The following DSE variants were observed in gnomAD, a reference collection of about 807,000 sequenced individuals.
The protein encoded by DSE is dermatan sulfate epimerase.
In DSE, 36 loss-of-function variants were observed where a neutral mutation model predicts 84.4. That is an observed-to-expected ratio of 0.43 (90% CI 0.33 to 0.56). The LOEUF (loss-of-function observed/expected upper bound fraction) is 0.56, where lower values mean the gene tolerates loss of function less well. Ranked by LOEUF, DSE falls within the 20% of genes least tolerant of loss-of-function variation. The pLI is 0.06. For missense variants in DSE, 862 were observed against 1,169.6 expected (o/e 0.74, Z 3.84); for synonymous variants, 410 against 430.1 (o/e 0.95, Z 0.58).
chr6:116,385,440 A>C (rs1780521761), intron 1 of DSE, among the ~76,000 whole-genome samples: 1 of 152,074 alleles, frequency 6.6e-6, no homozygotes, highest in Non-Finnish European at 1.5e-5. Flanking sequence ...GTGGTGGTAA[A>C]AGTGGCTGGA....
chr6:116,425,620 TTTTA>T (rs1562303902), intron 2 of DSE, among the ~76,000 whole-genome samples: 1 of 76,794 alleles, frequency 1.3e-5, no homozygotes, highest in Non-Finnish European at 3.1e-5. Context: ...TTTATTTTTA[TTTTA>T]TTTTATTTTT....
At chr6:116,318,067 A>G (rs1023652725) in intron 2 of DSE, among the ~76,000 whole-genome samples, 1 of 152,232 alleles carries the variant, frequency 6.6e-6, no homozygotes, top group African/African-American at 2.4e-5. Context: ...GTGTTTTTCT[A>G]TGATCGAACA....
At chr6:116,328,148 G>A (rs548556692) in intron 2 of DSE, among the ~76,000 whole-genome samples, 1 of 152,304 alleles carries the variant, frequency 6.6e-6, no homozygotes, top group South Asian at 2.1e-4. Context: ...TAAGAAAGAC[G>A]TAGTTTAGTT....
rs1775662883 is a variant in DSE, at chr6:116,311,007, C to G, written c.-54+52040C>G. ...ACCATTCTGCCTTCTTGCTGCGCTTCCAGTGTGCCATGCTCCTCCTCATCT... is the reference window on the plus strand; with the variant it reads ...ACCATTCTGCCTTCTTGCTGCGCTTGCAGTGTGCCATGCTCCTCCTCATCT... On this transcript the variant is annotated intron_variant, in intron 2 of 3. Coordinates refer to the DSE transcript ENST00000430252. Among the ~76,000 whole-genome samples the G allele has an allele frequency of 8.5e-5, 13 of 152,190 alleles. 1 individual carries two copies.
At chr6:116,357,070 TGAG>T (rs1778615802) in intron 2 of DSE, among the ~76,000 whole-genome samples, 1 of 152,170 alleles carries the variant, frequency 6.6e-6, no homozygotes, top group African/African-American at 2.4e-5. Context: ...TCTACTTATT[TGAG>T]TAGTGTGACA....
intron 1 of DSE, among the ~76,000 whole-genome samples, chr6:116,383,426 T>A (rs1005423327): frequency 6.6e-6 from 1 of 152,048 alleles, no homozygotes; most frequent in African/African-American, 2.4e-5. Context: ...TATGCCTAGA[T>A]TAGGAGATGC....
At chr6:116,374,391 T>G (rs1316027399) in intron 1 of DSE, among the ~76,000 whole-genome samples, 1 of 152,162 alleles carries the variant, frequency 6.6e-6, no homozygotes, top group East Asian at 1.9e-4. Context: ...GGGAACTTCA[T>G]TATAGTGGAT....
At chr6:116,339,832 ATT>A (rs1777486545) in intron 2 of DSE, among the ~76,000 whole-genome samples, 1 of 152,260 alleles carries the variant, frequency 6.6e-6, no homozygotes, top group South Asian at 2.1e-4. Flanking sequence ...TCCATTCTGC[ATT>A]TAGGATGTTA....
chr6:116,323,417 G>C (rs1776442333), intron 2 of DSE, among the ~76,000 whole-genome samples: 1 of 152,096 alleles, frequency 6.6e-6, no homozygotes, highest in South Asian at 2.1e-4. Flanking sequence ...ATTCACATTT[G>C]ACTTGCCAGA....
chr6:116,366,598 T>C (rs978495891), upstream of DSE: 2 of 152,220 alleles, frequency 1.3e-5, no homozygotes, highest in South Asian at 2.1e-4. Context: ...AGAGGTGATA[T>C]AAAATCATCC....
chr6:116,303,667 G>A (rs1025235865), intron 2 of DSE, among the ~76,000 whole-genome samples: 2 of 150,460 alleles, frequency 1.3e-5, no homozygotes, highest in Admixed American at 6.6e-5. Context: ...GGGAGGGCTG[G>A]TTGGGGAAGG....
In DSE at chr6:116,312,017, T is replaced by C. The variant is rs149097681; in HGVS notation, c.-54+53050T>C. ...TATCTGGTTTTCCAATTAGGTTCTT[T>C]TGTATAAGAGAGTAGAAGTACCACC... On this transcript the variant is annotated intron_variant, in intron 2 of 3. Coordinates refer to the DSE transcript ENST00000430252. 5.7e-3 allele frequency among the ~76,000 whole-genome samples: 875 copies of C among 152,276 alleles called. 6 individuals are homozygous for C. Among genetic ancestry groups the C allele is most frequent in the Middle Eastern group, 0.01 (3 of 294 alleles).
chr6:116,401,442 G>A (rs902556858), intron 2 of DSE, among the ~76,000 whole-genome samples: 1 of 152,068 alleles, frequency 6.6e-6, no homozygotes, highest in African/African-American at 2.4e-5. Flanking sequence ...ACTTAATAGA[G>A]CTGAACAGTT....
intron 1 of DSE, among the ~76,000 whole-genome samples, chr6:116,383,043 G>A (rs1383799650): frequency 1.3e-5 from 2 of 152,162 alleles, no homozygotes; most frequent in African/African-American, 4.8e-5. Context: ...TTGGTAGGAT[G>A]TGAGATTTGG....
chr6:116,396,832 G>A (rs1781280798), intron 1 of DSE, among the ~76,000 whole-genome samples: 1 of 152,186 alleles, frequency 6.6e-6, no homozygotes, highest in African/African-American at 2.4e-5. Context: ...TTCTGTGCCT[G>A]GGTGGGAGTG....
Position 116,430,288 on chromosome 6 carries a change from G to A in DSE, c.671-666G>A, listed in dbSNP as rs117271756. Among the ~76,000 whole-genome samples, 1,176 of 152,262 alleles carry A rather than the reference G, an allele frequency of 7.7e-3. 12 individuals are homozygous for A. The highest frequency in any genetic ancestry group is 0.012 in the Non-Finnish European group (824 of 68,010). The stretch of plus-strand genomic sequence containing the variant: ...TGACAATACAAATTGAAGACTGTCC[G>A]TTTAGCGTTTATAATATGTGCAGCC... On this transcript the variant is annotated intron_variant, in intron 3 of 5. Transcript: ENST00000644252.
intron 1 of DSE, among the ~76,000 whole-genome samples, chr6:116,382,121 G>C (rs555231634): frequency 6.6e-6 from 1 of 151,734 alleles, no homozygotes; most frequent in East Asian, 1.9e-4. Context: ...TGGAGTAGGG[G>C]TCTGCCCTAT....
intron 2 of DSE, among the ~76,000 whole-genome samples, chr6:116,405,105 G>C (rs1033253369): frequency 6.6e-6 from 1 of 150,952 alleles, no homozygotes; most frequent in African/African-American, 2.4e-5. Flanking sequence ...AAAATATAAA[G>C]AGAGAAAAAA....
intron 2 of DSE, among the ~76,000 whole-genome samples, chr6:116,268,615 A>T (rs2114610675): frequency 6.6e-6 from 1 of 152,350 alleles, no homozygotes. Flanking sequence ...AATGAATACC[A>T]GCTGCAGCCC....
Sources: allele counts gnomAD v4.1 joint callset (sites outside exome capture counted in the v4.1 genomes callset), GRCh38; gene constraint gnomAD v4.1.1; transcripts MANE v1.5; gene names NCBI Gene and HGNC (gene_info 2026-07-23, HGNC 2026-07-21).